Variants in CTCF observed in about 807,000 individuals in gnomAD.
CTCF encodes the protein transcriptional repressor CTCF.
A neutral mutation model predicts 72.3 loss-of-function variants in CTCF; 7 were observed. That is an observed-to-expected ratio of 0.10 (90% confidence interval 0.06 to 0.18). CTCF has a LOEUF of 0.18. CTCF is among the 10% of genes least tolerant of loss of function. The probability of loss-of-function intolerance (pLI) is 1.00; values close to 1 mark genes in which losing one functional copy is unlikely to be tolerated. For missense variants in CTCF, 516 were observed against 949.1 expected (o/e 0.54, Z 6.00); for synonymous variants, 374 against 315.8 (o/e 1.18, Z -1.95).
intron 2 of CTCF, among the ~76,000 whole-genome samples, chr16:67,571,618 T>C (rs553812422): frequency 6.6e-6 from 1 of 152,332 alleles, no homozygotes; most frequent in South Asian, 2.1e-4. Context: ...TGGCTGCTTT[T>C]CTGTAGAAAC....
intron 2 of CTCF, among the ~76,000 whole-genome samples, chr16:67,580,043 A>G (rs985273502): frequency 2.6e-5 from 4 of 152,282 alleles, no homozygotes; most frequent in South Asian, 2.1e-4. Context: ...TTTACATTTT[A>G]GAAATCCGTG....
At position 67,574,695 on chromosome 16, in the gene CTCF, G is replaced by A. The variant is rs375800856; in HGVS notation, c.-10+3431G>A. On this transcript the variant is annotated intron_variant, in intron 2 of 11. Transcript: ENST00000264010. Reference sequence around the variant, plus strand: ...TTTTTTTGAGATGGAGTCTTGCTCTGTTGCCCAGGCTGAAGTGCAGTGGTG... The same window carrying A: ...TTTTTTTGAGATGGAGTCTTGCTCTATTGCCCAGGCTGAAGTGCAGTGGTG... Among the ~76,000 whole-genome samples the A allele has an allele frequency of 3.1e-3, 319 of 102,980 alleles. 2 individuals are homozygous for A. The highest frequency in any genetic ancestry group is 0.012 in the African/African-American group (305 of 25,254). 67.6% of individuals were successfully genotyped at this position (102,980 alleles called of 152,430 possible). A position where few individuals can be genotyped will look rare whatever the true frequency, so the allele number is the denominator to read the frequency against.
At position 67,611,285 on chromosome 16, in the gene CTCF, A is replaced by G. The variant is rs759449563; in HGVS notation, c.453A>G (p.Glu151=). 11 of 1,614,010 alleles carry G rather than the reference A, an allele frequency of 6.8e-6. No individual in the cohort carries two copies. The highest frequency in any genetic ancestry group is 9.3e-6 in the Non-Finnish European group (11 of 1,180,018). ...CTAAAGAGGGCCTTGCGGAAAGTGA[A>G]CCCATGATATGCCACACCCTACCTT... ...EVSKEGLAES[E]PMICHTLPLP... is the part of the protein sequence containing the mutation. The change falls in exon 3 of 12, where the codon GAA becomes GAG. Residue 151 remains glutamate, a synonymous_variant. Coordinates refer to ENST00000264010, the MANE Select transcript of CTCF (RefSeq NM_006565.4).
At chr16:67,593,040 A>T (rs968880964) in intron 2 of CTCF, among the ~76,000 whole-genome samples, 1 of 149,522 alleles carries the variant, frequency 6.7e-6, no homozygotes, top group South Asian at 2.1e-4. Context: ...AAAAAAATTT[A>T]TATATATATG....
intron 2 of CTCF, among the ~76,000 whole-genome samples, chr16:67,582,721 A>G (rs192373050): frequency 1.3e-5 from 2 of 152,062 alleles, no homozygotes; most frequent in East Asian, 3.9e-4. Context: ...AAATATGAAC[A>G]TTGACTCTGA....
chr16:67,631,753 G>T (rs980007731), intron 10 of CTCF, among the ~76,000 whole-genome samples: 1 of 129,808 alleles, frequency 7.7e-6, no homozygotes, highest in Non-Finnish European at 1.5e-5. Flanking sequence ...TCAGTCACTG[G>T]GTGTTAAGTG....
intron 2 of CTCF, among the ~76,000 whole-genome samples, chr16:67,609,915 C>T (rs1355291196): frequency 3.3e-5 from 5 of 152,112 alleles, no homozygotes; most frequent in African/African-American, 7.2e-5. Context: ...CGTGAGCCAC[C>T]GTGCCCGGCC....
At chr16:67,622,905 G>T (rs1256795165) in intron 7 of CTCF, among the ~76,000 whole-genome samples, 1 of 143,800 alleles carries the variant, frequency 7.0e-6, no homozygotes, top group Admixed American at 7.3e-5. Flanking sequence ...CAGGTGATCT[G>T]CCTACCTCGG....
chr16:67,590,009 C>T (rs1021177433), intron 2 of CTCF, among the ~76,000 whole-genome samples: 1 of 152,048 alleles, frequency 6.6e-6, no homozygotes, highest in Admixed American at 6.6e-5. Context: ...ATCACTTGAA[C>T]GCAGGAGGCG....
chr16:67,569,386 A>G (rs937473278), intron 1 of CTCF, among the ~76,000 whole-genome samples: 4 of 150,870 alleles, frequency 2.7e-5, no homozygotes, highest in Non-Finnish European at 4.4e-5. Flanking sequence ...GGGTTTCACT[A>G]TGTTGGCCAG....
intron 10 of CTCF, among the ~76,000 whole-genome samples, chr16:67,633,205 G>A (rs2052386499): frequency 6.6e-6 from 1 of 152,174 alleles, no homozygotes; most frequent in Non-Finnish European, 1.5e-5. Context: ...GTTTGTGGTA[G>A]ACTATAGGTT....
intron 2 of CTCF, among the ~76,000 whole-genome samples, chr16:67,609,979 A>G (rs2052037974): frequency 6.6e-6 from 1 of 152,034 alleles, no homozygotes; most frequent in Admixed American, 6.6e-5. Flanking sequence ...GAGGATGTTT[A>G]ATAGCATCTC....
intron 2 of CTCF, among the ~76,000 whole-genome samples, chr16:67,605,175 G>A (rs374653633): frequency 1.7e-4 from 25 of 151,454 alleles, no homozygotes; most frequent in African/African-American, 5.6e-4. Flanking sequence ...GTGTTTCACC[G>A]TGTTAGCCAG....
intron 1 of CTCF, chr16:67,564,063 C>T (rs1040814512): frequency 6.6e-6 from 1 of 152,172 alleles, no homozygotes; most frequent in African/African-American, 2.4e-5. Context: ...GTTAAGTAAA[C>T]ATTCGCATAC....
chr16:67,576,657 C>T (rs1402560390), intron 2 of CTCF, among the ~76,000 whole-genome samples: 6 of 151,126 alleles, frequency 4.0e-5, no homozygotes, highest in Non-Finnish European at 7.4e-5. Context: ...GGCTTCACAC[C>T]ATTCTCTTGC....
chr16:67,608,543 T>C (rs1467825030), intron 2 of CTCF, among the ~76,000 whole-genome samples: 2 of 151,816 alleles, frequency 1.3e-5, no homozygotes, highest in Non-Finnish European at 2.9e-5. Flanking sequence ...GTGGGGAAAA[T>C]GGGGAATTGC....
At chr16:67,609,379 C>T (rs1381260782) in intron 2 of CTCF, among the ~76,000 whole-genome samples, 1 of 152,194 alleles carries the variant, frequency 6.6e-6, no homozygotes. Context: ...TGTCCTTTAC[C>T]AGTGTCTTCC....
At chr16:67,613,348 T>TC (rs1467077571) in intron 4 of CTCF, among the ~76,000 whole-genome samples, 2 of 152,232 alleles carry the variant, frequency 1.3e-5, no homozygotes, top group African/African-American at 4.8e-5. Context: ...ATGACCATGA[T>TC]CAAGTGGGTG....
chr16:67,566,515 T>TAAAAA (rs377253111), intron 1 of CTCF, among the ~76,000 whole-genome samples: 2 of 76,268 alleles, frequency 2.6e-5, no homozygotes, highest in Admixed American at 1.6e-4. Flanking sequence ...GTCTCAAAAT[T>TAAAAA]AAAAAAAAAA....
Sources: allele counts gnomAD v4.1 joint callset (sites outside exome capture counted in the v4.1 genomes callset), GRCh38; gene constraint gnomAD v4.1.1; transcripts MANE v1.5; gene names NCBI Gene and HGNC (gene_info 2026-07-23, HGNC 2026-07-21).